The following EXOC6 variants were observed in gnomAD, a reference collection of about 807,000 sequenced individuals.
EXOC6 encodes exocyst complex component 6.
In EXOC6, 60 loss-of-function variants were observed where a neutral mutation model predicts 112.5. The observed-to-expected ratio is 0.53, with a 90% CI of 0.43 to 0.66. EXOC6 has a LOEUF of 0.66. EXOC6 is among the 30% of genes least tolerant of loss of function. EXOC6 has a pLI of 0.00. For synonymous variants in EXOC6, 295 were observed against 308.0 expected (o/e 0.96, Z 0.44); for missense variants, 855 against 957.1 (o/e 0.89, Z 1.41).
chr10:92,963,557 G>A (rs1854139345), intron 17 of EXOC6, among the ~76,000 whole-genome samples: 1 of 137,798 alleles, frequency 7.3e-6, no homozygotes. Flanking sequence ...TTTGGATCAT[G>A]GCTCACTGCA....
chr10:93,002,696 T>TC (rs1843810433), intron 19 of EXOC6, among the ~76,000 whole-genome samples: 1 of 152,210 alleles, frequency 6.6e-6, no homozygotes, highest in South Asian at 2.1e-4. Flanking sequence ...AACTCACAGT[T>TC]TGGCATCTTG....
intron 18 of EXOC6, among the ~76,000 whole-genome samples, chr10:92,978,433 G>A (rs1164223452): frequency 7.3e-5 from 11 of 151,702 alleles, no homozygotes; most frequent in Admixed American, 7.2e-4. Context: ...GAGAAAAATG[G>A]TCCTAACAAC....
chr10:92,995,114 A>G (rs561726158), intron 18 of EXOC6, among the ~76,000 whole-genome samples: 20 of 152,268 alleles, frequency 1.3e-4, no homozygotes, highest in African/African-American at 4.6e-4. Context: ...TTTGAGAACA[A>G]TAAGCCTGGA....
At chr10:92,830,303 G>A (rs1846452952), upstream of EXOC6, among the ~76,000 whole-genome samples, 1 of 152,156 alleles carries the variant, frequency 6.6e-6, no homozygotes, top group South Asian at 2.1e-4. Context: ...TGAGAAAGGT[G>A]AGCGACTGAT....
chr10:92,872,210 T>C (rs1397600780), intron 1 of EXOC6, among the ~76,000 whole-genome samples: 1 of 152,150 alleles, frequency 6.6e-6, no homozygotes, highest in African/African-American at 2.4e-5. Flanking sequence ...TATTGCTCTT[T>C]TAAAGCAATT....
chr10:92,944,592 T>C (rs1852859697), intron 13 of EXOC6, among the ~76,000 whole-genome samples: 1 of 152,136 alleles, frequency 6.6e-6, no homozygotes. Context: ...GCTGGGATCA[T>C]ATAGTAGTTC....
intron 20 of EXOC6, among the ~76,000 whole-genome samples, chr10:93,036,217 T>TG (rs1845507814): frequency 1.1e-5 from 1 of 94,976 alleles, no homozygotes; most frequent in East Asian, 5.8e-4. Flanking sequence ...AAACTCCATC[T>TG]CAAAAAAAAA....
intron 1 of EXOC6, among the ~76,000 whole-genome samples, chr10:92,891,400 C>A (rs923237031): frequency 6.6e-6 from 1 of 152,048 alleles, no homozygotes; most frequent in Non-Finnish European, 1.5e-5. Flanking sequence ...TCTTACAGAA[C>A]CTACATTTTT....
In EXOC6 at chr10:92,930,504, A is replaced by AAATAATAATAATAATAAT. The variant is rs10638557; in HGVS notation, c.972+2088_972+2105dup. On this transcript the variant is annotated intron_variant, in intron 9 of 21. Transcript: ENST00000260762. ...GGTGACAAGAGTGAGACTCTGTCTC[A>AAATAATAATAATAATAAT]AATAATAATAATAATAATAATAAAT... Among the ~76,000 whole-genome samples the AAATAATAATAATAATAAT allele has an allele frequency of 2.4e-3, 365 of 149,258 alleles. 1 individual carries two copies. Among genetic ancestry groups the AAATAATAATAATAATAAT allele is most frequent in the South Asian group, 4.0e-3 (19 of 4,734 alleles).
At chr10:92,896,123 G>GTATATATA (rs1484656562) in intron 4 of EXOC6, among the ~76,000 whole-genome samples, 16,137 of 34,564 alleles carry the variant, frequency 0.47, 4,645 homozygotes, top group African/African-American at 0.64. Flanking sequence ...ATATATATGT[G>GTATATATA]TGTGTGTGTG....
intron 20 of EXOC6, among the ~76,000 whole-genome samples, chr10:93,033,241 T>C (rs1487144208): frequency 6.6e-6 from 1 of 152,094 alleles, no homozygotes; most frequent in Non-Finnish European, 1.5e-5. Context: ...GAAGAGCAAT[T>C]AGATGATTGT....
At chr10:93,021,528 T>G (rs373513017) in intron 20 of EXOC6, among the ~76,000 whole-genome samples, 6 of 152,224 alleles carry the variant, frequency 3.9e-5, no homozygotes, top group African/African-American at 1.4e-4. Flanking sequence ...TTCATTCCGG[T>G]TTACCAGAAG....
chr10:92,978,797 C>G (rs768603003), intron 18 of EXOC6, among the ~76,000 whole-genome samples: 1 of 152,114 alleles, frequency 6.6e-6, no homozygotes, highest in African/African-American at 2.4e-5. Context: ...AAGCTTCAGA[C>G]GAAGCTTATC....
chr10:92,856,533 C>T (rs1176969710), intron 1 of EXOC6, among the ~76,000 whole-genome samples: 2 of 152,038 alleles, frequency 1.3e-5, no homozygotes, highest in African/African-American at 4.8e-5. Context: ...CTAATTTAAT[C>T]CCATTGCAGT....
Position 92,895,038 on chromosome 10 carries a change from A to G in EXOC6, c.412+18A>G. On this transcript the variant is annotated intron_variant, in intron 4 of 21. Transcript: ENST00000260762. The stretch of plus-strand genomic sequence containing the variant: ...CCTTCCTGGTGAGTTAAACTTGTCT[A>G]TAATAAAACGTTTGGCTTGGTAAAG... The G allele has an allele frequency of 1.4e-6, 2 of 1,449,444 alleles. No individual in the cohort carries two copies. Among genetic ancestry groups the G allele is most frequent in the Non-Finnish European group, 9.7e-7 (1 of 1,032,668 alleles). The allele number at this position is 1,449,444 out of a possible 1,614,324, so 89.8% of individuals were successfully genotyped here. A position where few individuals can be genotyped will look rare whatever the true frequency, so the allele number is the denominator to read the frequency against.
At chr10:92,914,759 C>T (rs187853996) in intron 6 of EXOC6, among the ~76,000 whole-genome samples, 2 of 152,254 alleles carry the variant, frequency 1.3e-5, no homozygotes, top group African/African-American at 4.8e-5. Context: ...TTGGCAGTTA[C>T]ATGTGCCTTA....
chr10:93,010,213 T>A (rs999734112), intron 19 of EXOC6, among the ~76,000 whole-genome samples: 2 of 152,152 alleles, frequency 1.3e-5, no homozygotes, highest in African/African-American at 2.4e-5. Context: ...CCTAAAAAAA[T>A]TTGAGAAAAA....
At chr10:92,986,397 C>A (rs835249) in intron 18 of EXOC6, among the ~76,000 whole-genome samples, 1,623 of 152,140 alleles carry the variant, frequency 0.011, 33 homozygotes, top group African/African-American at 0.037. Flanking sequence ...CTATTCCAGT[C>A]TTCCAGAAGA....
At chr10:93,037,833 C>G (rs995113599) in intron 20 of EXOC6, among the ~76,000 whole-genome samples, 1 of 150,496 alleles carries the variant, frequency 6.6e-6, no homozygotes, top group Admixed American at 6.6e-5. Context: ...GGGCGGATCA[C>G]GAGGTCCGGA....
Sources: allele counts gnomAD v4.1 joint callset (sites outside exome capture counted in the v4.1 genomes callset), GRCh38; gene constraint gnomAD v4.1.1; transcripts MANE v1.5; gene names NCBI Gene and HGNC (gene_info 2026-07-23, HGNC 2026-07-21).